DOCK8: variants seen among roughly 807,000 people sequenced by gnomAD.
The protein encoded by DOCK8 is dedicator of cytokinesis protein 8.
Under a neutral mutation model 245.6 loss-of-function variants are expected in DOCK8, and 141 were observed. The observed-to-expected ratio is 0.57, with a 90% CI of 0.50 to 0.66. The LOEUF is 0.66. Among genes scored for constraint, DOCK8 ranks in the 30% least tolerant of loss-of-function variants. The pLI is 0.00. For synonymous variants in DOCK8, 1,168 were observed against 970.2 expected, an observed-to-expected ratio of 1.20 and a Z score of -3.79; for missense variants, 2,965 against 2,603.4, an observed-to-expected ratio of 1.14 and a Z score of -3.02.
At chr9:224,278 G>A (rs960943281) in intron 1 of DOCK8, among the ~76,000 whole-genome samples, 4 of 151,992 alleles carry the variant, frequency 2.6e-5, no homozygotes, top group African/African-American at 9.7e-5. Context: ...TTTCTCCCCC[G>A]ATGAATATAC....
intron 33 of DOCK8, among the ~76,000 whole-genome samples, chr9:426,473 C>G (rs981252198): frequency 3.3e-5 from 5 of 152,230 alleles, no homozygotes; most frequent in African/African-American, 4.8e-5. Flanking sequence ...CAGTCTCACT[C>G]TCTCTCGCAT....
At position 368,096 on chromosome 9, in the gene DOCK8, C is replaced by T. The variant is rs1311353150; in HGVS notation, c.1758C>T (p.Ile586=). The change falls in exon 15 of 48, where the codon ATC becomes ATT. Residue 586 remains isoleucine (I), a synonymous_variant. Coordinates refer to ENST00000432829, the MANE Select transcript of DOCK8 (RefSeq NM_203447.4). ...CAGCCCGGAACATTACAATAAAGAT[C>T]CAGTTTATGTGTGGAGAAGATGCTA... The part of the protein sequence containing the change: ...LASARNITIK[I]QFMCGEDASN... 6.2e-7 allele frequency: 1 copy of T among 1,614,104 alleles called. No individual in the cohort carries two copies.
intron 1 of DOCK8, among the ~76,000 whole-genome samples, chr9:268,683 C>G (rs146811239): frequency 1.1e-3 from 168 of 152,308 alleles, no homozygotes; most frequent in African/African-American, 3.4e-3. Flanking sequence ...CTGGACACAG[C>G]AGTCGCAGGA....
intron 31 of DOCK8, 73 bp downstream of exon 31, chr9:420,656 C>G: frequency 1.3e-6 from 2 of 1,586,720 alleles, no homozygotes; most frequent in South Asian, 1.1e-5. Context: ...TACTCATCCC[C>G]TTTGTTTGGG....
chr9:412,249 C>A (rs1020627699), intron 28 of DOCK8, among the ~76,000 whole-genome samples: 1 of 151,790 alleles, frequency 6.6e-6, no homozygotes, highest in African/African-American at 2.4e-5. Flanking sequence ...ACAAGAAATA[C>A]AAAAATTAGC....
At position 330,118 on chromosome 9, in the gene DOCK8, G is replaced by A. The variant is rs1338530110; in HGVS notation, c.1044+1947G>A. ...CAGGGTCTTTACTGTATTTTAGGTA[G>A]CATCATCTAGTTCAGGTGTTGCATA... On this transcript the variant is annotated intron_variant, in intron 9 of 47. Transcript: ENST00000432829. Among the ~76,000 whole-genome samples the A allele has an allele frequency of 7.9e-5, 12 of 152,126 alleles. No individual in the cohort carries two copies. The South Asian group carries it at 1.2e-3, about 16-fold the overall frequency.
At chr9:406,548 G>A (rs956138757) in intron 27 of DOCK8, among the ~76,000 whole-genome samples, 2 of 151,666 alleles carry the variant, frequency 1.3e-5, no homozygotes, top group Non-Finnish European at 2.9e-5. Context: ...AACAAAGGGG[G>A]CATTTGGTTA....
At chr9:267,693 T>A (rs2048068304) in intron 1 of DOCK8, among the ~76,000 whole-genome samples, 1 of 152,244 alleles carries the variant, frequency 6.6e-6, no homozygotes, top group Non-Finnish European at 1.5e-5. Flanking sequence ...GTAGCTTACT[T>A]TATATGCAGG....
At chr9:390,731 G>A (rs547784730) in intron 24 of DOCK8, among the ~76,000 whole-genome samples, 165 bp downstream of exon 24, 1 of 152,226 alleles carries the variant, frequency 6.6e-6, no homozygotes, top group South Asian at 2.1e-4. Context: ...ACTAAATTGT[G>A]TTGCTTCTAC....
intron 1 of DOCK8, among the ~76,000 whole-genome samples, chr9:244,297 C>T (rs1030535831): frequency 6.6e-6 from 1 of 151,674 alleles, no homozygotes; most frequent in Admixed American, 6.6e-5. Context: ...CACACACGCA[C>T]ACACATATAT....
At chr9:434,714 C>T (rs1482906905) in intron 38 of DOCK8, 69 bp from the exon 39 acceptor site, 25 of 1,546,550 alleles carry the variant, frequency 1.6e-5, no homozygotes, top group Non-Finnish European at 2.1e-5. Context: ...GAAAAGGTCA[C>T]ACAAAGTAGA....
At chr9:331,183 C>T (rs2885045) in intron 9 of DOCK8, among the ~76,000 whole-genome samples, 55,525 of 152,108 alleles carry the variant, frequency 0.37, 11,109 homozygotes, top group East Asian at 0.69. Flanking sequence ...CCTTATCTCC[C>T]AGCTGCTACC....
chr9:295,790 G>A (rs1048329534), intron 4 of DOCK8, among the ~76,000 whole-genome samples: 1 of 152,120 alleles, frequency 6.6e-6, no homozygotes, highest in Non-Finnish European at 1.5e-5. Context: ...TCCCACTTAG[G>A]GGGCAGAGGA....
At chr9:446,282 G>C in intron 43 of DOCK8, 88 bp from the exon 44 acceptor site, 1 of 1,123,030 alleles carries the variant, frequency 8.9e-7, no homozygotes, top group Non-Finnish European at 1.4e-6. Context: ...GTGCCGGCAC[G>C]CCGTGTTCCT....
chr9:272,585 C>G (rs1021338114), intron 2 of DOCK8, among the ~76,000 whole-genome samples: 12 of 152,142 alleles, frequency 7.9e-5, no homozygotes, highest in African/African-American at 2.9e-4. Context: ...AGGGGTCTCG[C>G]TATGTTGCCC....
intron 44 of DOCK8, 38 bp from the exon 45 acceptor site, chr9:449,746 C>G: frequency 6.2e-7 from 1 of 1,611,936 alleles, no homozygotes; most frequent in Non-Finnish European, 8.5e-7. Flanking sequence ...CTTATGAGAC[C>G]AGACAGTGAC....
chr9:356,651 TTACCC>T (rs1434295413), intron 14 of DOCK8, among the ~76,000 whole-genome samples: 1 of 152,206 alleles, frequency 6.6e-6, no homozygotes, highest in African/African-American at 2.4e-5. Flanking sequence ...TAGTCAGTGA[TTACCC>T]TATCCTCTTT....
At chr9:417,345 A>AT (rs2056071370) in intron 29 of DOCK8, among the ~76,000 whole-genome samples, 2 of 152,230 alleles carry the variant, frequency 1.3e-5, no homozygotes, top group Admixed American at 1.3e-4. Context: ...AGTAGAAGAA[A>AT]TGTTATTTAC....
At chr9:399,097 A>G (rs747705374) in intron 25 of DOCK8, 49 bp from the exon 26 acceptor site, 3 of 1,571,696 alleles carry the variant, frequency 1.9e-6, no homozygotes, top group Admixed American at 3.3e-5. Flanking sequence ...CTGGAAGTTC[A>G]AATCCAGAGT....
Sources: allele counts gnomAD v4.1 joint callset (sites outside exome capture counted in the v4.1 genomes callset), GRCh38; gene constraint gnomAD v4.1.1; transcripts MANE v1.5; gene names NCBI Gene and HGNC (gene_info 2026-07-23, HGNC 2026-07-21).